Variants in ST8SIA1 observed in about 807,000 individuals in gnomAD.
ST8SIA1 encodes the protein alpha-N-acetylneuraminide alpha-2,8-sialyltransferase.
In ST8SIA1, 16 loss-of-function variants were observed where a neutral mutation model predicts 35.9. That is an observed-to-expected ratio of 0.45 (90% confidence interval 0.30 to 0.68). ST8SIA1 has a LOEUF of 0.68. Ranked by LOEUF, ST8SIA1 falls within the 30% of genes least tolerant of loss-of-function variation. The pLI is 0.09. For missense variants in ST8SIA1, 383 were observed against 453.6 expected (o/e 0.84, Z 1.41); for synonymous variants, 170 against 169.6 (o/e 1.00, Z -0.02).
chr12:22,288,673 A>C (rs1333897812), intron 1 of ST8SIA1, among the ~76,000 whole-genome samples: 1 of 152,182 alleles, frequency 6.6e-6, no homozygotes, highest in African/African-American at 2.4e-5. Context: ...AGGACAGAAG[A>C]GAAGGGCTCA....
intron 2 of ST8SIA1, among the ~76,000 whole-genome samples, chr12:22,259,496 C>A (rs1046561305): frequency 6.6e-6 from 1 of 150,478 alleles, no homozygotes; most frequent in Admixed American, 6.6e-5. Flanking sequence ...GAGACAGAGT[C>A]TCCCTCTCGC....
rs1864972574 is a variant in ST8SIA1 at position 22,195,282 on chromosome 12, C to A, written c.*6270G>T. 1 of 151,670 alleles carries A rather than the reference C, an allele frequency of 6.6e-6. No individual in the cohort carries two copies. The allele number at this position is 151,670 out of a possible 1,614,324, so 9.4% of individuals were successfully genotyped here. A position where few individuals can be genotyped will look rare whatever the true frequency, so the allele number is the denominator to read the frequency against. On this transcript the variant is annotated 3_prime_UTR_variant, in exon 5 of 5. Transcript: ENST00000396037. Reference sequence around the variant, plus strand: ...CTGTGATCAAACTCCCAGGAGAGCACCTCTTGGGAAGGGACAGCAAGGGGT... The same window carrying A: ...CTGTGATCAAACTCCCAGGAGAGCAACTCTTGGGAAGGGACAGCAAGGGGT...
intron 4 of ST8SIA1, among the ~76,000 whole-genome samples, chr12:22,247,268 G>A (rs1322038969): frequency 6.6e-6 from 1 of 152,054 alleles, no homozygotes; most frequent in Non-Finnish European, 1.5e-5. Flanking sequence ...ATACAATATT[G>A]AATGTTTCAT....
chr12:22,303,970 T>C (rs561541741), intron 1 of ST8SIA1, among the ~76,000 whole-genome samples: 88 of 152,124 alleles, frequency 5.8e-4, no homozygotes, highest in Non-Finnish European at 1.2e-3. Context: ...AGGCTTTATT[T>C]ACATAACAAG....
intron 1 of ST8SIA1, among the ~76,000 whole-genome samples, chr12:22,320,947 AAG>A (rs1351920547): frequency 1.4e-4 from 9 of 63,070 alleles, no homozygotes; most frequent in African/African-American, 2.9e-4. Flanking sequence ...GAAAGAAAGA[AAG>A]AAAGAAAGAG....
chr12:22,310,459 T>G (rs1866436120), intron 1 of ST8SIA1, among the ~76,000 whole-genome samples: 1 of 152,154 alleles, frequency 6.6e-6, no homozygotes. Context: ...CAATAACTCG[T>G]CACAGTCATC....
chr12:22,267,019 T>C (rs1010988157), intron 2 of ST8SIA1, among the ~76,000 whole-genome samples: 2 of 152,142 alleles, frequency 1.3e-5, no homozygotes, highest in Non-Finnish European at 2.9e-5. Context: ...ACTCCATTTT[T>C]TCAGAAATGA....
rs1383883221 is a variant in ST8SIA1 at position 22,194,433 on chromosome 12, T to G, written c.*7119A>C. On this transcript the variant is annotated 3_prime_UTR_variant, in exon 5 of 5. Coordinates refer to ENST00000396037, the MANE Select transcript of ST8SIA1 (RefSeq NM_003034.4). ...TATAAAATAGTCACATTTGCTACATTTATAGGACTTCTTGATAATAACGAT... is the reference window on the plus strand; with the variant it reads ...TATAAAATAGTCACATTTGCTACATGTATAGGACTTCTTGATAATAACGAT... The G allele has an allele frequency of 6.6e-6, 1 of 152,130 alleles. No individual in the cohort carries two copies. The highest frequency in any genetic ancestry group is 1.9e-4 in the East Asian group (1 of 5,194). The allele number at this position is 152,130 out of a possible 1,614,324, so 9.4% of individuals were successfully genotyped here.
At chr12:22,317,407 A>G (rs1304728415) in intron 1 of ST8SIA1, among the ~76,000 whole-genome samples, 2 of 152,358 alleles carry the variant, frequency 1.3e-5, no homozygotes, top group Non-Finnish European at 2.9e-5. Context: ...AGCCAGGAGT[A>G]TCTCAGCTGG....
At position 22,201,625 on chromosome 12, in the gene ST8SIA1, T is replaced by C. The variant is rs1865048690; in HGVS notation, c.998A>G (p.Tyr333Cys). The C allele has an allele frequency of 1.2e-6, 2 of 1,614,118 alleles. No homozygotes were observed. Among genetic ancestry groups the C allele is most frequent in the Non-Finnish European group, 1.7e-6 (2 of 1,179,998 alleles). ...AMPEEFLQLW[Y>C]LHKIGALRMQ... ...TCTCAGTGCACCGATTTTATGAAGA[T>C]ACCAGAGTTGGAGAAATTCCTCGGG... The change falls in exon 5 of 5, where the codon TAT becomes TGT. Residue 333 changes from tyrosine (Y) to cysteine (C), a missense_variant. Transcript: ENST00000396037.
Position 22,241,598 on chromosome 12 carries a change from ATTTT to A in ST8SIA1, c.584+7404_584+7407del, listed in dbSNP as rs71053392. 6.4e-4 allele frequency among the ~76,000 whole-genome samples: 67 copies of A among 104,342 alleles called. 1 individual carries two copies. Among genetic ancestry groups the A allele is most frequent in the Middle Eastern group, 4.8e-3 (1 of 208 alleles). 68.5% of individuals were successfully genotyped at this position (104,342 alleles called of 152,430 possible). A position where few individuals can be genotyped will look rare whatever the true frequency, so the allele number is the denominator to read the frequency against. On this transcript the variant is annotated intron_variant, in intron 4 of 4. Transcript: ENST00000396037. ...CTTTAAGAATTACCCAGACTCCGGT[ATTTT>A]TTTTTTTTTTTTTTTTTTGAGATGG...
rs1445136415 is a variant in ST8SIA1 at position 22,195,114 on chromosome 12, C to T, written c.*6438G>A. Reference sequence around the variant, plus strand: ...ACGAGAATCGCTTGAACCTGGGAGGCGGAGGTTGCGGTGAGCCGAGATCAC... The same window carrying T: ...ACGAGAATCGCTTGAACCTGGGAGGTGGAGGTTGCGGTGAGCCGAGATCAC... On this transcript the variant is annotated 3_prime_UTR_variant, in exon 5 of 5. Coordinates refer to ENST00000396037, the MANE Select transcript of ST8SIA1 (RefSeq NM_003034.4). 8 of 133,870 alleles carry T rather than the reference C, an allele frequency of 6.0e-5. No individual in the cohort carries two copies. The highest frequency in any genetic ancestry group is 1.7e-4 in the Admixed American group (2 of 11,668). The allele number at this position is 133,870 out of a possible 1,614,324, so 8.3% of individuals were successfully genotyped here. A position where few individuals can be genotyped will look rare whatever the true frequency, so the allele number is the denominator to read the frequency against.
At position 22,196,836 on chromosome 12, in the gene ST8SIA1, T is replaced by C. The variant is rs540542057; in HGVS notation, c.*4716A>G. ...AACAGTTTAAGGCAGTGTAAAATTTTGAGGTCCTCAGCGAATTTCCACACT... is the reference window on the plus strand; with the variant it reads ...AACAGTTTAAGGCAGTGTAAAATTTCGAGGTCCTCAGCGAATTTCCACACT... On this transcript the variant is annotated 3_prime_UTR_variant, in exon 5 of 5. Transcript: ENST00000396037. 2.0e-5 allele frequency: 3 copies of C among 152,322 alleles called. No individual in the cohort carries two copies. The East Asian group carries it at 5.8e-4, about 29-fold the overall frequency. The allele number at this position is 152,322 out of a possible 1,614,324, so 9.4% of individuals were successfully genotyped here.
At chr12:22,323,168 G>T (rs1866625410) in intron 1 of ST8SIA1, among the ~76,000 whole-genome samples, 1 of 152,062 alleles carries the variant, frequency 6.6e-6, no homozygotes, top group African/African-American at 2.4e-5. Flanking sequence ...CCAAATGAAG[G>T]GTTTACCTGC....
chr12:22,211,611 AT>A (rs1220115209), intron 4 of ST8SIA1, among the ~76,000 whole-genome samples: 4 of 152,246 alleles, frequency 2.6e-5, no homozygotes, highest in Admixed American at 2.6e-4. Flanking sequence ...AGGTGAATAT[AT>A]GTATGTTACT....
chr12:22,279,225 T>A (rs1360208759), intron 2 of ST8SIA1, among the ~76,000 whole-genome samples: 1 of 152,222 alleles, frequency 6.6e-6, no homozygotes, highest in African/African-American at 2.4e-5. Flanking sequence ...CCTGAAGCTA[T>A]GGGAATCACT....
At chr12:22,272,596 CAGGGAGACAGTA>C (rs1342721345) in intron 2 of ST8SIA1, among the ~76,000 whole-genome samples, 9 of 152,224 alleles carry the variant, frequency 5.9e-5, no homozygotes, top group Non-Finnish European at 1.2e-4. Context: ...TGAAAACTAA[CAGGGAGACAGTA>C]TGTCAATTTC....
chr12:22,288,638 C>T (rs1866135690), intron 1 of ST8SIA1, among the ~76,000 whole-genome samples: 7 of 152,134 alleles, frequency 4.6e-5, no homozygotes, highest in Admixed American at 4.6e-4. Context: ...TTGGCTTTGC[C>T]TTCGTGAAGG....
Position 22,233,291 on chromosome 12 carries a change from A to G in ST8SIA1, c.584+15715T>C, listed in dbSNP as rs560897700. On this transcript the variant is annotated intron_variant, in intron 4 of 4. Coordinates refer to ENST00000396037, the MANE Select transcript of ST8SIA1 (RefSeq NM_003034.4). Reference sequence around the variant, plus strand: ...ATTGGAGGAACATCTTCGAAATGCTAAAAGGATTTCCAAAGTAGAAATAAA... The same window carrying G: ...ATTGGAGGAACATCTTCGAAATGCTGAAAGGATTTCCAAAGTAGAAATAAA... Among the ~76,000 whole-genome samples, 6 of 152,336 alleles carry G rather than the reference A, an allele frequency of 3.9e-5. No homozygotes were observed. The East Asian group carries it at 1.2e-3, about 29-fold the overall frequency.
Sources: gnomAD v4.1 joint callset for allele counts (sites outside exome capture counted in the v4.1 genomes callset) on GRCh38, gnomAD v4.1.1 for gene constraint, MANE v1.5 for transcripts, NCBI Gene and HGNC (gene_info 2026-07-23, HGNC 2026-07-21) for gene names.